Variants in PLCL1 observed in about 807,000 individuals in gnomAD.
PLCL1 encodes the protein inactive phospholipase C-like protein 1.
A neutral mutation model predicts 84.4 loss-of-function variants in PLCL1; 41 were observed. That is an observed-to-expected ratio of 0.49 (90% CI 0.38 to 0.63). The LOEUF (loss-of-function observed/expected upper bound fraction) is 0.63, where lower values mean the gene tolerates loss of function less well. Among genes scored for constraint, PLCL1 ranks in the 30% least tolerant of loss-of-function variants. PLCL1 has a pLI of 0.00. For synonymous variants in PLCL1, 490 were observed against 488.3 expected (o/e 1.00, Z -0.05); for missense variants, 1,206 against 1,367.8 (o/e 0.88, Z 1.87).
intron 1 of PLCL1, among the ~76,000 whole-genome samples, chr2:198,072,647 G>A (rs1222508390): frequency 6.6e-6 from 1 of 151,952 alleles, no homozygotes; most frequent in African/African-American, 2.4e-5. Context: ...TGTTAAGGAA[G>A]TTTTCTTCTC....
intron 1 of PLCL1, among the ~76,000 whole-genome samples, chr2:197,813,230 A>G (rs898052199): frequency 3.9e-5 from 6 of 152,134 alleles, no homozygotes; most frequent in African/African-American, 1.4e-4. Context: ...GAGGAGAGAG[A>G]GAAGACCATG....
Position 198,060,855 on chromosome 2 carries a change from C to T in PLCL1, c.241-22903C>T, listed in dbSNP as rs549349083. ...AAAATGCCACCTTCCTTTAAAGTAC[C>T]ATTAAGTAAAATGAACATAAGGAAT... is the stretch of plus-strand genomic sequence containing the variant. On this transcript the variant is annotated intron_variant, in intron 1 of 5. Transcript: ENST00000428675. 2.0e-5 allele frequency among the ~76,000 whole-genome samples: 3 copies of T among 152,158 alleles called. No homozygotes were observed. The East Asian group carries it at 5.8e-4, about 29-fold the overall frequency.
At chr2:197,819,890 G>C (rs1477921280) in intron 1 of PLCL1, among the ~76,000 whole-genome samples, 1 of 150,450 alleles carries the variant, frequency 6.6e-6, no homozygotes, top group Admixed American at 6.6e-5. Flanking sequence ...ATGCATGTGT[G>C]TGTGTGTGTG....
chr2:198,085,152 T>A lies in PLCL1; in HGVS notation c.1635T>A (p.Pro545=). The stretch of plus-strand genomic sequence containing the variant: ...TCATTGTGAAAGGAAAGAAGTTGCC[T>A]TCTGATCCAGATGTGTTAGAAGGAG... ...RMIIVKGKKL[P]SDPDVLEGEV... The change falls in exon 2 of 6, where the codon CCT becomes CCA. Residue 545 remains proline (P), a synonymous_variant. Transcript: ENST00000428675. This position sits in a 1 kb window ranked among gnomAD's most constrained non-coding sequence, Gnocchi z 5.3. 1 of 1,614,056 alleles carries A rather than the reference T, an allele frequency of 6.2e-7. No homozygotes were observed. Among genetic ancestry groups the A allele is most frequent in the South Asian group, 1.1e-5 (1 of 91,070 alleles).
chr2:197,933,936 G>T (rs1420703512), intron 1 of PLCL1, among the ~76,000 whole-genome samples: 4 of 152,092 alleles, frequency 2.6e-5, no homozygotes, highest in Non-Finnish European at 4.4e-5. Flanking sequence ...CTTCCTGAAA[G>T]AGTAATCTGG....
intron 1 of PLCL1, among the ~76,000 whole-genome samples, chr2:198,076,206 C>A (rs1179000568): frequency 1.3e-5 from 2 of 151,962 alleles, no homozygotes; most frequent in Admixed American, 1.3e-4. Context: ...CTAGCTTTGC[C>A]TGTAGAACAT....
At chr2:197,947,622 A>AGG (rs1689307921) in intron 1 of PLCL1, among the ~76,000 whole-genome samples, 7 of 152,192 alleles carry the variant, frequency 4.6e-5, no homozygotes, top group Non-Finnish European at 1.0e-4. Context: ...TGAAGAAAGC[A>AGG]AAAAGGCTCT....
intron 1 of PLCL1, among the ~76,000 whole-genome samples, chr2:197,982,659 C>T (rs1518359): frequency 0.46 from 69,268 of 151,980 alleles, 16,122 homozygotes; most frequent in Middle Eastern, 0.58. Flanking sequence ...TTTAATATAT[C>T]ACTTCACATT....
chr2:198,057,695 T>C (rs1183267234), intron 1 of PLCL1, among the ~76,000 whole-genome samples: 1 of 152,218 alleles, frequency 6.6e-6, no homozygotes, highest in Non-Finnish European at 1.5e-5. Context: ...TCTATCATAC[T>C]ACCACCAAAA....
chr2:198,107,499 T>C (rs1254936192), intron 5 of PLCL1, among the ~76,000 whole-genome samples: 2 of 151,942 alleles, frequency 1.3e-5, no homozygotes, highest in Non-Finnish European at 2.9e-5. Flanking sequence ...TTGTGAGAAT[T>C]AAATGAGATA....
At chr2:197,948,580 C>CA (rs1689328173) in intron 1 of PLCL1, among the ~76,000 whole-genome samples, 1 of 151,890 alleles carries the variant, frequency 6.6e-6, no homozygotes, top group Non-Finnish European at 1.5e-5. Context: ...TAAATAGAAT[C>CA]AGAGTAGGAA....
intron 1 of PLCL1, among the ~76,000 whole-genome samples, chr2:197,850,638 G>A (rs1687216276): frequency 6.6e-6 from 1 of 152,074 alleles, no homozygotes; most frequent in African/African-American, 2.4e-5. Context: ...TGGCTTATAT[G>A]TTTTTTCCCT....
At chr2:197,969,183 A>T (rs944363376) in intron 1 of PLCL1, among the ~76,000 whole-genome samples, 5 of 152,192 alleles carry the variant, frequency 3.3e-5, no homozygotes, top group African/African-American at 1.2e-4. Flanking sequence ...CCATGGAAAA[A>T]TTATCTTCCA....
At chr2:198,114,187 T>C (rs995534436) in intron 5 of PLCL1, among the ~76,000 whole-genome samples, 1 of 151,902 alleles carries the variant, frequency 6.6e-6, no homozygotes, top group East Asian at 1.9e-4. Flanking sequence ...TTCTTAGCAA[T>C]AGGCAGACTG....
At chr2:197,927,985 A>G (rs932509867) in intron 1 of PLCL1, among the ~76,000 whole-genome samples, 3 of 152,048 alleles carry the variant, frequency 2.0e-5, no homozygotes, top group African/African-American at 7.2e-5. Context: ...ACAAACTCTT[A>G]AGGTTAAATT....
At chr2:197,904,205 T>A (rs1688330896) in intron 1 of PLCL1, among the ~76,000 whole-genome samples, 1 of 152,194 alleles carries the variant, frequency 6.6e-6, no homozygotes, top group Non-Finnish European at 1.5e-5. Context: ...GGTGTGAACA[T>A]CAGACAGTCA....
intron 1 of PLCL1, among the ~76,000 whole-genome samples, chr2:197,911,328 C>A (rs181703386): frequency 1.3e-5 from 2 of 151,730 alleles, no homozygotes; most frequent in East Asian, 3.9e-4. Flanking sequence ...CAGAGTGTGA[C>A]CCTGTCTCAA....
chr2:198,021,407 C>T (rs968274814), intron 1 of PLCL1, among the ~76,000 whole-genome samples: 2 of 151,966 alleles, frequency 1.3e-5, no homozygotes, highest in Admixed American at 1.3e-4. Flanking sequence ...CAGAGCAGAA[C>T]TGAAGGAGAT....
chr2:198,087,913 C>T (rs2033570), intron 2 of PLCL1, among the ~76,000 whole-genome samples: 109,156 of 152,028 alleles, frequency 0.72, 40,402 homozygotes, highest in African/African-American at 0.9. Context: ...CACAAACCCA[C>T]GGCACAGTTA....
Sources: gnomAD v4.1 joint callset for allele counts (sites outside exome capture counted in the v4.1 genomes callset) on GRCh38, gnomAD v4.1.1 for gene constraint, Gnocchi (gnomAD v3.1) non-coding constraint, MANE v1.5 for transcripts, NCBI Gene and HGNC (gene_info 2026-07-23, HGNC 2026-07-21) for gene names.